B3GALT1: variants seen among roughly 807,000 people sequenced by gnomAD.
The protein encoded by B3GALT1 is UDP-Gal:betaGlcNAc beta 1,3-galactosyltransferase, polypeptide 1.
A neutral mutation model predicts 23.2 loss-of-function variants in B3GALT1; 10 were observed. The observed-to-expected ratio is 0.43, with a 90% confidence interval of 0.27 to 0.73. The LOEUF (loss-of-function observed/expected upper bound fraction) is 0.73. Among genes scored for constraint, B3GALT1 ranks in the 30% least tolerant of loss-of-function variants. B3GALT1 has a pLI of 0.21. For missense variants in B3GALT1, 299 were observed against 405.4 expected (o/e 0.74, Z 2.25); for synonymous variants, 156 against 141.5 (o/e 1.10, Z -0.73).
At chr2:167,733,694 T>G (rs536903735) in intron 3 of B3GALT1, among the ~76,000 whole-genome samples, 2 of 152,336 alleles carry the variant, frequency 1.3e-5, no homozygotes, top group East Asian at 3.9e-4. Flanking sequence ...GGCTAGTTGC[T>G]GATGAAGTCA....
chr2:167,354,953 C>T (rs1284140955), intron 1 of B3GALT1, among the ~76,000 whole-genome samples: 1 of 152,194 alleles, frequency 6.6e-6, no homozygotes, highest in Non-Finnish European at 1.5e-5. Context: ...AGAGTCTAGA[C>T]TGACACCATG....
intron 3 of B3GALT1, among the ~76,000 whole-genome samples, chr2:167,798,361 T>C (rs1019576650): frequency 3.3e-5 from 5 of 152,222 alleles, no homozygotes; most frequent in Admixed American, 2.6e-4. Context: ...TCTTTGCCCA[T>C]GCCTGTGTCC....
chr2:167,643,976 G>A (rs1311315943), intron 2 of B3GALT1, among the ~76,000 whole-genome samples: 1 of 152,144 alleles, frequency 6.6e-6, no homozygotes, highest in East Asian at 1.9e-4. Context: ...CAGTGTCAAT[G>A]TCTGTAAATT....
chr2:167,640,045 G>A (rs1247158980), intron 2 of B3GALT1, among the ~76,000 whole-genome samples: 1 of 152,078 alleles, frequency 6.6e-6, no homozygotes, highest in African/African-American at 2.4e-5. Context: ...CACTGCTACA[G>A]GCAATAGTTT....
At chr2:167,664,573 A>G (rs201772367) in intron 3 of B3GALT1, among the ~76,000 whole-genome samples, 15,954 of 152,072 alleles carry the variant, frequency 0.1, 1,811 homozygotes, top group African/African-American at 0.26. Context: ...TTTTCACGAT[A>G]TTGATTCTTC....
intron 1 of B3GALT1, among the ~76,000 whole-genome samples, chr2:167,439,784 C>T (rs1698848264): frequency 1.3e-5 from 2 of 151,600 alleles, no homozygotes. Flanking sequence ...AAATGTTTAT[C>T]TATTTCTTCT....
chr2:167,677,055 G>A (rs772742139), intron 3 of B3GALT1, among the ~76,000 whole-genome samples: 1 of 152,086 alleles, frequency 6.6e-6, no homozygotes, highest in Non-Finnish European at 1.5e-5. Flanking sequence ...ATAAAATAGT[G>A]GTTATCAGGA....
At chr2:167,539,966 G>C (rs1268140868) in intron 2 of B3GALT1, among the ~76,000 whole-genome samples, 1 of 152,010 alleles carries the variant, frequency 6.6e-6, no homozygotes, top group Non-Finnish European at 1.5e-5. Context: ...CAGGAGAAAA[G>C]GCATACTGAA....
chr2:167,499,018 G>A (rs191943098), intron 2 of B3GALT1, among the ~76,000 whole-genome samples: 8 of 152,122 alleles, frequency 5.3e-5, no homozygotes, highest in Non-Finnish European at 7.4e-5. Context: ...TTTGTTGGTC[G>A]TTTTTTGAGT....
chr2:167,397,377 A>C (rs182330056), intron 1 of B3GALT1, among the ~76,000 whole-genome samples: 56 of 152,160 alleles, frequency 3.7e-4, no homozygotes, highest in African/African-American at 1.3e-3. Context: ...TCCTGAGGCA[A>C]ATATGAGGAA....
intron 2 of B3GALT1, among the ~76,000 whole-genome samples, chr2:167,546,443 C>G (rs1017830698): frequency 1.3e-5 from 2 of 152,096 alleles, no homozygotes; most frequent in Admixed American, 6.5e-5. Flanking sequence ...AAGGTATGTC[C>G]TAAGCCCCCA....
chr2:167,440,289 G>A (rs1002245367), intron 1 of B3GALT1, among the ~76,000 whole-genome samples: 1 of 144,430 alleles, frequency 6.9e-6, no homozygotes, highest in African/African-American at 2.6e-5. Context: ...CTTGCAGTGA[G>A]CCAAGATTGC....
chr2:167,864,058 C>A (rs1332944868), intron 4 of B3GALT1, among the ~76,000 whole-genome samples: 1 of 151,472 alleles, frequency 6.6e-6, no homozygotes, highest in Admixed American at 6.6e-5. Context: ...AAAGAACCTG[C>A]AATGTGTTTC....
At chr2:167,835,668 T>G (rs969173166) in intron 4 of B3GALT1, among the ~76,000 whole-genome samples, 1 of 152,226 alleles carries the variant, frequency 6.6e-6, no homozygotes, top group African/African-American at 2.4e-5. Flanking sequence ...TCTGACAGCC[T>G]TGAAGAGAGC....
At chr2:167,601,085 G>A (rs184011933) in intron 2 of B3GALT1, among the ~76,000 whole-genome samples, 155 of 152,182 alleles carry the variant, frequency 1.0e-3, no homozygotes, top group Non-Finnish European at 1.9e-3. Context: ...GTTTGAGAAG[G>A]AGTCTAGCTC....
In B3GALT1 at chr2:167,617,924, T is replaced by G. The variant is rs13408596; in HGVS notation, c.-409-28985T>G. 6.0e-3 allele frequency among the ~76,000 whole-genome samples: 909 copies of G among 152,168 alleles called. 7 individuals are homozygous for G. The highest frequency in any genetic ancestry group is 0.045 in the East Asian group (232 of 5,164). Reference sequence around the variant, plus strand: ...AATTAAAAGGAATGTTATAATGGGCTTCTCTTCATTTATTGTTTTGTCAGA... The same window carrying G: ...AATTAAAAGGAATGTTATAATGGGCGTCTCTTCATTTATTGTTTTGTCAGA... On this transcript the variant is annotated intron_variant, in intron 2 of 4. Transcript: ENST00000392690.
At chr2:167,365,662 G>GA (rs1396669768) in intron 1 of B3GALT1, among the ~76,000 whole-genome samples, 2 of 150,956 alleles carry the variant, frequency 1.3e-5, no homozygotes, top group African/African-American at 4.9e-5. Context: ...TTCTCAGGGG[G>GA]AAAAAAATTG....
At chr2:167,449,319 A>G (rs113411909) in intron 1 of B3GALT1, among the ~76,000 whole-genome samples, 133 of 152,084 alleles carry the variant, frequency 8.7e-4, no homozygotes, top group African/African-American at 3.0e-3. Context: ...TTGGTTAGGT[A>G]TACTCCTAGG....
At chr2:167,553,388 T>A (rs1683783481) in intron 2 of B3GALT1, among the ~76,000 whole-genome samples, 1 of 152,198 alleles carries the variant, frequency 6.6e-6, no homozygotes, top group South Asian at 2.1e-4. Context: ...CCCCTTCTTT[T>A]CACATGAGGA....
Sources: allele counts gnomAD v4.1 joint callset (sites outside exome capture counted in the v4.1 genomes callset), GRCh38; gene constraint gnomAD v4.1.1; transcripts MANE v1.5; gene names NCBI Gene and HGNC (gene_info 2026-07-23, HGNC 2026-07-21).